The following PIK3R1 variants were observed in gnomAD, a reference collection of about 807,000 sequenced individuals.
PIK3R1 encodes the protein phosphatidylinositol 3-kinase regulatory subunit alpha.
PIK3R1 carries 29 observed loss-of-function variants against 98.0 expected under a neutral mutation model. That is an observed-to-expected ratio of 0.30 (90% confidence interval 0.22 to 0.40). PIK3R1 has a LOEUF of 0.40. PIK3R1 is among the 10% of genes least tolerant of loss of function. PIK3R1 has a pLI of 1.00. For missense variants in PIK3R1, 596 were observed against 872.7 expected, an observed-to-expected ratio of 0.68 and a Z score of 3.99; for synonymous variants, 282 against 311.8, an observed-to-expected ratio of 0.90 and a Z score of 1.01.
intron 2 of PIK3R1, among the ~76,000 whole-genome samples, chr5:68,230,887 G>C (rs575360209): frequency 6.6e-6 from 1 of 152,146 alleles, no homozygotes; most frequent in Non-Finnish European, 1.5e-5. Flanking sequence ...GTTTTGTTTG[G>C]ATAAAGAGTG....
At chr5:68,272,453 T>C (rs1460445514) in intron 2 of PIK3R1, among the ~76,000 whole-genome samples, 1 of 152,154 alleles carries the variant, frequency 6.6e-6, no homozygotes. Flanking sequence ...ATGACTTTAA[T>C]TTACCTTTAT....
At chr5:68,264,873 T>A (rs1178210764) in intron 2 of PIK3R1, among the ~76,000 whole-genome samples, 1 of 152,196 alleles carries the variant, frequency 6.6e-6, no homozygotes, top group Non-Finnish European at 1.5e-5. Context: ...TCTCTTTTGA[T>A]ACCTAATTCG....
At position 68,293,274 on chromosome 5, in the gene PIK3R1, A is replaced by T. The variant is rs201815650; in HGVS notation, c.1119-29A>T. On this transcript the variant is annotated intron_variant, in intron 9 of 15. Coordinates refer to ENST00000521381, the MANE Select transcript of PIK3R1 (RefSeq NM_181523.3). Reference sequence around the variant, plus strand: ...CATATTTCCTTATTCCAAAATGTTAATACCTTTATTTTTATATTGTTTTTA... The same window carrying T: ...CATATTTCCTTATTCCAAAATGTTATTACCTTTATTTTTATATTGTTTTTA... The T allele has an allele frequency of 1.8e-5, 29 of 1,599,352 alleles. No homozygotes were observed. The East Asian group carries it at 6.5e-4, about 36-fold the overall frequency.
intron 2 of PIK3R1, among the ~76,000 whole-genome samples, chr5:68,269,862 A>C (rs757464032): frequency 2.0e-5 from 3 of 148,240 alleles, no homozygotes; most frequent in Non-Finnish European, 4.5e-5. Flanking sequence ...ACTAAGGAAT[A>C]GAAAATCTTT....
At chr5:68,295,515 G>A (rs1430912469) in intron 14 of PIK3R1, 27 bp downstream of exon 14, 3 of 1,591,770 alleles carry the variant, frequency 1.9e-6, no homozygotes, top group African/African-American at 1.3e-5. Context: ...GATGGTGATA[G>A]CAGAAGATTT....
intron 2 of PIK3R1, among the ~76,000 whole-genome samples, chr5:68,249,428 A>G (rs1745217970): frequency 6.6e-6 from 1 of 152,216 alleles, no homozygotes; most frequent in African/African-American, 2.4e-5. Context: ...ATAAAACCAG[A>G]TGTACGGGGT....
At chr5:68,282,318 TG>T (rs1334574826) in intron 7 of PIK3R1, among the ~76,000 whole-genome samples, 3 of 151,982 alleles carry the variant, frequency 2.0e-5, no homozygotes, top group African/African-American at 7.3e-5. Flanking sequence ...TTGGACTTAG[TG>T]GAAAAGAATT....
chr5:68,229,896 C>T (rs983664562), intron 2 of PIK3R1, among the ~76,000 whole-genome samples: 12 of 152,298 alleles, frequency 7.9e-5, no homozygotes, highest in African/African-American at 2.4e-4. Flanking sequence ...TTTTAGGAAG[C>T]CCTGGCATAT....
intron 2 of PIK3R1, among the ~76,000 whole-genome samples, chr5:68,227,601 A>G (rs1482519153): frequency 6.6e-6 from 1 of 152,212 alleles, no homozygotes; most frequent in East Asian, 1.9e-4. Flanking sequence ...CATGATTTGT[A>G]TGGAAAAATG....
At chr5:68,278,736 T>A (rs1166918709) in intron 4 of PIK3R1, among the ~76,000 whole-genome samples, 2 of 151,988 alleles carry the variant, frequency 1.3e-5, no homozygotes, top group Non-Finnish European at 2.9e-5. Flanking sequence ...GGTCAGGAGT[T>A]TGAGACCAGC....
intron 2 of PIK3R1, among the ~76,000 whole-genome samples, chr5:68,259,360 C>T (rs1474455408): frequency 6.6e-6 from 1 of 152,198 alleles, no homozygotes; most frequent in African/African-American, 2.4e-5. Flanking sequence ...CCACTATTTA[C>T]AGGGCACTGA....
chr5:68,280,421 A>T (rs2112193065), intron 5 of PIK3R1, 107 bp from the exon 6 acceptor site: 1 of 751,464 alleles, frequency 1.3e-6, no homozygotes, highest in Non-Finnish European at 2.2e-6. Flanking sequence ...TTTTTAAATG[A>T]CTCCTATAGC....
intron 1 of PIK3R1, among the ~76,000 whole-genome samples, chr5:68,223,113 G>T (rs1214045518): frequency 1.5e-5 from 2 of 135,238 alleles, no homozygotes; most frequent in African/African-American, 6.1e-5. Context: ...AGCTATATGT[G>T]TACAAACTCA....
At chr5:68,242,796 T>C (rs1744918254) in intron 2 of PIK3R1, among the ~76,000 whole-genome samples, 1 of 152,234 alleles carries the variant, frequency 6.6e-6, no homozygotes. Flanking sequence ...CCTCAGTGTC[T>C]GGGTAAGTTG....
intron 2 of PIK3R1, among the ~76,000 whole-genome samples, chr5:68,238,172 C>G (rs1744735646): frequency 6.6e-6 from 1 of 152,198 alleles, no homozygotes; most frequent in Non-Finnish European, 1.5e-5. Flanking sequence ...GGAGATTTTT[C>G]TCTCAGGCTA....
intron 7 of PIK3R1, among the ~76,000 whole-genome samples, chr5:68,290,062 CT>C (rs763397936): frequency 4.6e-5 from 7 of 152,132 alleles, no homozygotes; most frequent in Non-Finnish European, 1.0e-4. Flanking sequence ...CTAGTTTTAA[CT>C]TTGGAATGTT....
At chr5:68,220,087 T>C (rs1744043685) in intron 1 of PIK3R1, among the ~76,000 whole-genome samples, 1 of 152,184 alleles carries the variant, frequency 6.6e-6, no homozygotes, top group African/African-American at 2.4e-5. Flanking sequence ...GTGCTTTATG[T>C]ATGTCATTTT....
At position 68,292,581 on chromosome 5, in the gene PIK3R1, A is replaced by T; in HGVS notation, c.1019+220A>T. 3 of 1,482,274 alleles carry T rather than the reference A, an allele frequency of 2.0e-6. No individual in the cohort carries two copies. The South Asian group carries it at 3.6e-5, about 18-fold the overall frequency. 91.8% of individuals were successfully genotyped at this position (1,482,274 alleles called of 1,614,324 possible). ...CCGGGAAGTTTCATTATTGACAGAGATGTCAGTGAAGTGCCAGAGTGAAGT... is the reference window on the plus strand; with the variant it reads ...CCGGGAAGTTTCATTATTGACAGAGTTGTCAGTGAAGTGCCAGAGTGAAGT... On this transcript the variant is annotated intron_variant, in intron 8 of 15. Coordinates refer to ENST00000521381, the MANE Select transcript of PIK3R1 (RefSeq NM_181523.3).
intron 1 of PIK3R1, among the ~76,000 whole-genome samples, chr5:68,223,015 C>T (rs937863832): frequency 5.9e-5 from 9 of 151,348 alleles, no homozygotes. Flanking sequence ...CACACACATA[C>T]ATATATGACT....
Sources: allele counts gnomAD v4.1 joint callset (sites outside exome capture counted in the v4.1 genomes callset), GRCh38; gene constraint gnomAD v4.1.1; transcripts MANE v1.5; gene names NCBI Gene and HGNC (gene_info 2026-07-23, HGNC 2026-07-21).